Variants in KPNA1 observed in about 807,000 individuals in gnomAD.
KPNA1 encodes the protein importin subunit alpha-5.
In KPNA1, 10 loss-of-function variants were observed where a neutral mutation model predicts 70.5. That is an observed-to-expected ratio of 0.14 (90% CI 0.09 to 0.24). The LOEUF (loss-of-function observed/expected upper bound fraction) is 0.24, where lower values mean the gene tolerates loss of function less well. Ranked by LOEUF, KPNA1 falls within the 10% of genes least tolerant of loss-of-function variation. The probability of loss-of-function intolerance (pLI) is 1.00; values close to 1 mark genes in which losing one functional copy is unlikely to be tolerated. For missense variants in KPNA1, 397 were observed against 637.9 expected, an observed-to-expected ratio of 0.62 and a Z score of 4.07; for synonymous variants, 192 against 221.9, an observed-to-expected ratio of 0.87 and a Z score of 1.20.
intron 9 of KPNA1, among the ~76,000 whole-genome samples, chr3:122,443,701 A>C (rs569371306): frequency 6.6e-6 from 1 of 152,338 alleles, no homozygotes; most frequent in African/African-American, 2.4e-5. Flanking sequence ...CCAAGCCACA[A>C]AACCAGCAAT....
chr3:122,456,999 G>C (rs1014980834), intron 5 of KPNA1, among the ~76,000 whole-genome samples: 3 of 152,208 alleles, frequency 2.0e-5, no homozygotes, highest in Non-Finnish European at 4.4e-5. Flanking sequence ...ATACATGTGT[G>C]ATATGTATGT....
intron 1 of KPNA1, among the ~76,000 whole-genome samples, chr3:122,509,866 C>G (rs2076936504): frequency 6.6e-6 from 1 of 152,128 alleles, no homozygotes. Flanking sequence ...AGGACATGAA[C>G]TCCCAGCTTA....
chr3:122,489,809 A>G (rs6769765), intron 2 of KPNA1, among the ~76,000 whole-genome samples: 14,300 of 152,196 alleles, frequency 0.094, 1,562 homozygotes, highest in African/African-American at 0.26. Flanking sequence ...GTATTCCTAT[A>G]AACATTCTTG....
At chr3:122,493,386 G>C (rs1221559944) in intron 2 of KPNA1, among the ~76,000 whole-genome samples, 1 of 150,592 alleles carries the variant, frequency 6.6e-6, no homozygotes, top group East Asian at 1.9e-4. Flanking sequence ...GTAGCTCCCA[G>C]CCATATCTAC....
At chr3:122,498,785 TGAA>T (rs2076791848) in intron 1 of KPNA1, among the ~76,000 whole-genome samples, 1 of 152,202 alleles carries the variant, frequency 6.6e-6, no homozygotes, top group Non-Finnish European at 1.5e-5. Flanking sequence ...TCAATTTCTA[TGAA>T]GAAGTCAGCT....
At chr3:122,471,914 C>T (rs1279301372) in intron 2 of KPNA1, among the ~76,000 whole-genome samples, 1 of 152,140 alleles carries the variant, frequency 6.6e-6, no homozygotes, top group Admixed American at 6.5e-5. Flanking sequence ...CAATGCTTAG[C>T]GTGTATAAGC....
At chr3:122,484,447 G>A (rs1341751826) in intron 2 of KPNA1, among the ~76,000 whole-genome samples, 2 of 152,054 alleles carry the variant, frequency 1.3e-5, no homozygotes, top group East Asian at 3.8e-4. Flanking sequence ...GATCACCTAA[G>A]ACCAGCCTGG....
chr3:122,511,743 A>G (rs2076957143), intron 1 of KPNA1, among the ~76,000 whole-genome samples: 1 of 152,222 alleles, frequency 6.6e-6, no homozygotes, highest in Non-Finnish European at 1.5e-5. Context: ...GTACAAAGAT[A>G]CCTTAAAACA....
chr3:122,450,696 G>A (rs148091867), intron 8 of KPNA1, among the ~76,000 whole-genome samples: 2,767 of 152,294 alleles, frequency 0.018, 104 homozygotes, highest in African/African-American at 0.062. Context: ...ACAGTGTGGA[G>A]ATTCCTTAAA....
intron 2 of KPNA1, among the ~76,000 whole-genome samples, chr3:122,495,093 T>C (rs1289777938): frequency 6.6e-6 from 1 of 151,438 alleles, no homozygotes; most frequent in Non-Finnish European, 1.5e-5. Flanking sequence ...CTACTAAAAA[T>C]ACAAAAATTA....
intron 2 of KPNA1, among the ~76,000 whole-genome samples, chr3:122,489,380 C>T (rs972299094): frequency 1.3e-5 from 2 of 151,816 alleles, no homozygotes; most frequent in Non-Finnish European, 2.9e-5. Context: ...GCCTCAAACT[C>T]CTGGGCTCAA....
intron 12 of KPNA1, among the ~76,000 whole-genome samples, chr3:122,429,446 C>CCA (rs374114664): frequency 1.7e-5 from 1 of 58,782 alleles, no homozygotes; most frequent in Non-Finnish European, 3.1e-5. Flanking sequence ...AACTCTGTCT[C>CCA]AAAAAAAAAA....
At chr3:122,514,181 A>T (rs1387267561) in intron 1 of KPNA1, among the ~76,000 whole-genome samples, 1 of 151,872 alleles carries the variant, frequency 6.6e-6, no homozygotes, top group East Asian at 1.9e-4. Context: ...CCATGTTGTT[A>T]TGACATCGGT....
At chr3:122,484,833 T>C (rs1385902214) in intron 2 of KPNA1, among the ~76,000 whole-genome samples, 3 of 152,192 alleles carry the variant, frequency 2.0e-5, no homozygotes, top group African/African-American at 7.2e-5. Flanking sequence ...CAGGCTTTCA[T>C]GTACAAACTG....
intron 2 of KPNA1, among the ~76,000 whole-genome samples, chr3:122,490,212 G>A (rs937957994): frequency 7.9e-5 from 12 of 152,176 alleles, no homozygotes; most frequent in African/African-American, 2.9e-4. Flanking sequence ...TCCATCCTAC[G>A]AAACTCTATT....
chr3:122,446,459 G>A (rs1334063279), intron 9 of KPNA1, among the ~76,000 whole-genome samples: 1 of 152,186 alleles, frequency 6.6e-6, no homozygotes, highest in Admixed American at 6.5e-5. Flanking sequence ...AAATAAAGAT[G>A]TTCTTTGAAA....
chr3:122,496,569 T>C lies in KPNA1; in HGVS notation c.-4A>G, dbSNP rs755460449. ...TCTCTTTTCCTGGGGTGGTCATGAT[T>C]TCTACAATACAAGTGGGGAGAGAAC... On this transcript the variant is annotated splice_region_variant and 5_prime_UTR_variant, in exon 2 of 14. Coordinates refer to ENST00000344337, the MANE Select transcript of KPNA1 (RefSeq NM_002264.4). The C allele has an allele frequency of 1.9e-6, 3 of 1,613,394 alleles. No homozygotes were observed. The highest frequency in any genetic ancestry group is 2.5e-6 in the Non-Finnish European group (3 of 1,179,518).
chr3:122,472,233 C>T (rs2107754106), intron 2 of KPNA1, among the ~76,000 whole-genome samples: 1 of 151,982 alleles, frequency 6.6e-6, no homozygotes, highest in East Asian at 1.9e-4. Flanking sequence ...TTATAAAATG[C>T]CTCCTCTCAG....
intron 2 of KPNA1, among the ~76,000 whole-genome samples, chr3:122,482,062 T>A (rs2076577191): frequency 6.6e-6 from 1 of 152,228 alleles, no homozygotes; most frequent in Non-Finnish European, 1.5e-5. Context: ...ATGCATCACT[T>A]AACAAGAGTC....
Sources: gnomAD v4.1 joint callset for allele counts (sites outside exome capture counted in the v4.1 genomes callset) on GRCh38, gnomAD v4.1.1 for gene constraint, MANE v1.5 for transcripts, NCBI Gene and HGNC (gene_info 2026-07-23, HGNC 2026-07-21) for gene names.